The following DCC variants were observed in gnomAD, a reference collection of about 807,000 sequenced individuals.
DCC encodes DCC netrin 1 receptor.
In DCC, 58 loss-of-function variants were observed where a neutral mutation model predicts 172.5. That is an observed-to-expected ratio of 0.34 (90% CI 0.27 to 0.42). The LOEUF (loss-of-function observed/expected upper bound fraction) is 0.42. Ranked by LOEUF, DCC falls within the 10% of genes least tolerant of loss-of-function variation. DCC has a pLI of 1.00. For missense variants in DCC, 1,740 were observed against 1,791.0 expected (o/e 0.97, Z 0.51); for synonymous variants, 709 against 644.5 (o/e 1.10, Z -1.52).
chr18:53,323,379 A>G (rs2057433104), intron 14 of DCC, among the ~76,000 whole-genome samples: 1 of 152,214 alleles, frequency 6.6e-6, no homozygotes, highest in Non-Finnish European at 1.5e-5. Flanking sequence ...AACAGTTGAT[A>G]TTTCCATAAT....
At chr18:53,390,077 C>T (rs1188574513) in intron 16 of DCC, among the ~76,000 whole-genome samples, 2 of 152,180 alleles carry the variant, frequency 1.3e-5, no homozygotes, top group African/African-American at 4.8e-5. Flanking sequence ...TCCACTGCTA[C>T]ACAAACCGAT....
intron 2 of DCC, among the ~76,000 whole-genome samples, chr18:52,809,884 C>A (rs2038161616): frequency 6.6e-6 from 1 of 152,112 alleles, no homozygotes; most frequent in African/African-American, 2.4e-5. Flanking sequence ...TTCTTTACCT[C>A]CTGCTTTTAG....
intron 1 of DCC, among the ~76,000 whole-genome samples, chr18:52,565,693 T>A (rs12970960): frequency 6.6e-6 from 1 of 152,336 alleles, no homozygotes; most frequent in African/African-American, 2.4e-5. Context: ...GGGTTGTTTT[T>A]TTCTTGTAAA....
chr18:52,782,325 G>A (rs1380221094), intron 2 of DCC, among the ~76,000 whole-genome samples: 3 of 152,108 alleles, frequency 2.0e-5, no homozygotes, highest in African/African-American at 7.2e-5. Flanking sequence ...ACACAGTTCG[G>A]TTTGTAGCAT....
At chr18:53,142,027 T>C (rs2043838028) in intron 7 of DCC, among the ~76,000 whole-genome samples, 1 of 152,224 alleles carries the variant, frequency 6.6e-6, no homozygotes, top group African/African-American at 2.4e-5. Flanking sequence ...CCATGCCCTC[T>C]GGGAATTTGC....
At chr18:53,073,157 A>C (rs949080473) in intron 7 of DCC, among the ~76,000 whole-genome samples, 6 of 152,204 alleles carry the variant, frequency 3.9e-5, no homozygotes, top group African/African-American at 1.4e-4. Flanking sequence ...AAGTAAATTG[A>C]AAATAGAAAA....
intron 12 of DCC, among the ~76,000 whole-genome samples, chr18:53,292,424 C>T (rs2057016817): frequency 6.6e-6 from 1 of 152,180 alleles, no homozygotes; most frequent in African/African-American, 2.4e-5. Context: ...TGGTGGCTTA[C>T]ACCTGTAATC....
intron 15 of DCC, among the ~76,000 whole-genome samples, chr18:53,355,477 A>G (rs928011113): frequency 6.6e-6 from 1 of 152,136 alleles, no homozygotes; most frequent in East Asian, 1.9e-4. Context: ...TTCTCCTTGA[A>G]GAGGTCCTTC....
At chr18:53,207,071 G>T (rs938110773) in intron 10 of DCC, among the ~76,000 whole-genome samples, 1 of 151,746 alleles carries the variant, frequency 6.6e-6, no homozygotes, top group Non-Finnish European at 1.5e-5. Context: ...GCTCTTCAAC[G>T]CATTTTGCCA....
chr18:53,532,128 T>A lies in DCC; in HGVS notation c.*1475T>A, dbSNP rs1192450856. The stretch of plus-strand genomic sequence containing the variant: ...GACTTGAAAACCCAATGAGAGAGTT[T>A]CAGCTGAATTATTCCTTTCAGCTCT... On this transcript the variant is annotated 3_prime_UTR_variant, in exon 29 of 29. Transcript: ENST00000442544. 1 of 152,196 alleles carries A rather than the reference T, an allele frequency of 6.6e-6. No homozygotes were observed. The highest frequency in any genetic ancestry group is 1.9e-4 in the East Asian group (1 of 5,194). 9.4% of individuals were successfully genotyped at this position (152,196 alleles called of 1,614,324 possible). A position where few individuals can be genotyped will look rare whatever the true frequency, so the allele number is the denominator to read the frequency against.
intron 12 of DCC, among the ~76,000 whole-genome samples, chr18:53,266,670 C>G (rs1304506589): frequency 6.6e-6 from 1 of 151,982 alleles, no homozygotes; most frequent in East Asian, 1.9e-4. Context: ...TATTATGAAT[C>G]TCTTAGCAGT....
chr18:53,065,602 A>T (rs2042554804), intron 6 of DCC, among the ~76,000 whole-genome samples: 1 of 152,128 alleles, frequency 6.6e-6, no homozygotes, highest in Admixed American at 6.6e-5. Context: ...TCCAACTTTG[A>T]TTTCTTGTCC....
chr18:53,347,529 T>G (rs1018872026), intron 15 of DCC, among the ~76,000 whole-genome samples: 3 of 152,210 alleles, frequency 2.0e-5, no homozygotes, highest in Admixed American at 2.0e-4. Context: ...TCCTGGGCAG[T>G]GTATTTAACA....
intron 1 of DCC, among the ~76,000 whole-genome samples, chr18:52,714,094 C>T (rs7227438): frequency 0.95 from 145,214 of 152,236 alleles, 69,640 homozygotes; most frequent in East Asian, 1. Context: ...TGCAACAGCC[C>T]TATATGACAA....
intron 2 of DCC, among the ~76,000 whole-genome samples, chr18:52,903,626 A>G (rs1254486922): frequency 2.0e-5 from 3 of 152,246 alleles, no homozygotes; most frequent in Non-Finnish European, 4.4e-5. Flanking sequence ...ACATATATTA[A>G]ATACATAACT....
At chr18:52,378,424 C>T (rs887948889) in intron 1 of DCC, among the ~76,000 whole-genome samples, 1 of 152,108 alleles carries the variant, frequency 6.6e-6, no homozygotes, top group Non-Finnish European at 1.5e-5. Flanking sequence ...ACCTTCTCTA[C>T]ATGCAGGAAC....
intron 27 of DCC, among the ~76,000 whole-genome samples, chr18:53,514,721 C>CACAT (rs774736078): frequency 0.14 from 20,774 of 151,956 alleles, 1,616 homozygotes; most frequent in Admixed American, 0.25. Context: ...AATTCCTCAA[C>CACAT]ACATACACTC....
chr18:52,866,373 G>A (rs772743635), intron 2 of DCC, among the ~76,000 whole-genome samples: 1 of 151,686 alleles, frequency 6.6e-6, no homozygotes, highest in Admixed American at 6.6e-5. Context: ...TTGGCTAAAG[G>A]GGTTCTTTTT....
chr18:52,456,923 A>G (rs1342953644), intron 1 of DCC, among the ~76,000 whole-genome samples: 2 of 152,098 alleles, frequency 1.3e-5, no homozygotes, highest in Non-Finnish European at 2.9e-5. Flanking sequence ...GAGAGAATTT[A>G]TCTAGTATTT....
Sources: gnomAD v4.1 joint callset for allele counts (sites outside exome capture counted in the v4.1 genomes callset) on GRCh38, gnomAD v4.1.1 for gene constraint, MANE v1.5 for transcripts, NCBI Gene and HGNC (gene_info 2026-07-23, HGNC 2026-07-21) for gene names.